SNRNP200: variants seen among roughly 807,000 people sequenced by gnomAD.
SNRNP200 encodes U5 small nuclear ribonucleoprotein 200 kDa helicase.
SNRNP200 carries 66 observed loss-of-function variants against 255.2 expected under a neutral mutation model. The observed-to-expected ratio is 0.26, with a 90% CI of 0.21 to 0.32. The LOEUF is 0.32. SNRNP200 is among the 10% of genes least tolerant of loss of function. The pLI is 1.00. For synonymous variants in SNRNP200, 939 were observed against 1,027.8 expected (o/e 0.91, Z 1.65); for missense variants, 1,585 against 2,749.8 (o/e 0.58, Z 9.47).
At position 96,286,166 on chromosome 2, in the gene SNRNP200, A is replaced by G; in HGVS notation, c.4003+145T>C. 1 of 819,178 alleles carries G rather than the reference A, an allele frequency of 1.2e-6. No individual in the cohort carries two copies. Among genetic ancestry groups the G allele is most frequent in the Non-Finnish European group, 2.1e-6 (1 of 474,778 alleles). 50.7% of individuals were successfully genotyped at this position (819,178 alleles called of 1,614,324 possible). On this transcript the variant is annotated intron_variant, in intron 29 of 44. Transcript: ENST00000323853. This position sits in a 1 kb window ranked among gnomAD's most constrained non-coding sequence, Gnocchi z 4.8. ...CAACCAAAGGCTTCTGACAAAGGAA[A>G]AAGTCCTGGTGGGTCCCAGCGGTCA...
Position 96,276,786 on chromosome 2 carries a change from G to A in SNRNP200, c.6174+118C>T, listed in dbSNP as rs929228562. 8.4e-6 allele frequency: 8 copies of A among 949,208 alleles called. No individual in the cohort carries two copies. In the African/African-American group the frequency reaches 9.6e-5, roughly 11 times the overall value. The allele number at this position is 949,208 out of a possible 1,614,324, so 58.8% of individuals were successfully genotyped here. On this transcript the variant is annotated intron_variant, in intron 43 of 44. Coordinates refer to ENST00000323853, the MANE Select transcript of SNRNP200 (RefSeq NM_014014.5). ...AGCCTCAAGATTAATTCTCACCCTT[G>A]TGAGCTGATTATCAGTCTAAAGTTT...
At chr2:96,303,834 G>GCTCTC (rs2104365868) in intron 2 of SNRNP200, among the ~76,000 whole-genome samples, 1 of 149,294 alleles carries the variant, frequency 6.7e-6, no homozygotes. Context: ...AGGTTGCCGT[G>GCTCTC]AGAGAGATCA....
Position 96,293,108 on chromosome 2 carries a change from C to T in SNRNP200, c.2037-13G>A, listed in dbSNP as rs1266911056. The stretch of plus-strand genomic sequence containing the variant: ...CACTGGACGGAAGCTAGAAGTTCAA[C>T]AGTTAGACAAATGAGGCTTTGGCAG... On this transcript the variant is annotated splice_polypyrimidine_tract_variant and intron_variant, in intron 15 of 44. Coordinates refer to ENST00000323853, the MANE Select transcript of SNRNP200 (RefSeq NM_014014.5). The T allele has an allele frequency of 2.5e-6, 4 of 1,614,168 alleles. No individual in the cohort carries two copies. Among genetic ancestry groups the T allele is most frequent in the Non-Finnish European group, 2.5e-6 (3 of 1,180,028 alleles).
At chr2:96,275,405 A>G in intron 43 of SNRNP200, 56 bp from the exon 44 acceptor site, 1 of 1,435,706 alleles carries the variant, frequency 7.0e-7, no homozygotes, top group Non-Finnish European at 9.8e-7. Flanking sequence ...ACCATAGGCA[A>G]CCATGAAAAT....
chr2:96,288,877 A>G, intron 23 of SNRNP200, 131 bp from the exon 24 acceptor site: 1 of 1,019,630 alleles, frequency 9.8e-7, no homozygotes, highest in South Asian at 1.4e-5. Context: ...ATACTAAATA[A>G]TTGTTATTTC....
At chr2:96,282,979 G>A (rs2063813719) in intron 34 of SNRNP200, 5 of 630,176 alleles carry the variant, frequency 7.9e-6, no homozygotes, top group African/African-American at 3.6e-5. Context: ...ACAACCTGAT[G>A]TGTCTGCCTG....
At chr2:96,294,745 T>C (rs1386560776) in intron 14 of SNRNP200, among the ~76,000 whole-genome samples, 1 of 152,232 alleles carries the variant, frequency 6.6e-6, no homozygotes, top group Non-Finnish European at 1.5e-5. Context: ...TCCTCACTCA[T>C]TCCCTCAGAG....
chr2:96,303,101 G>T, intron 3 of SNRNP200, 58 bp downstream of exon 3: 1 of 1,562,704 alleles, frequency 6.4e-7, no homozygotes, highest in Non-Finnish European at 8.8e-7. Context: ...GATCTTAGAA[G>T]CTGTATGCCA....
At position 96,284,526 on chromosome 2, in the gene SNRNP200, C is replaced by G; in HGVS notation, c.4224G>C (p.Leu1408=). ...TCAGGTCTGTGCTGGTCTCGCCTGT[C>G]AGGAGTACCACCTTCTTGTTGAGCC... is the stretch of plus-strand genomic sequence containing the variant. ...QDRLNKKVVL[L]TGETSTDLKL... The change falls in exon 31 of 45, where the codon CTG becomes CTC. Residue 1408 remains leucine, a synonymous_variant. Transcript: ENST00000323853. The G allele has an allele frequency of 6.2e-7, 1 of 1,614,172 alleles. No individual in the cohort carries two copies. The highest frequency in any genetic ancestry group is 8.5e-7 in the Non-Finnish European group (1 of 1,180,036).
intron 3 of SNRNP200, among the ~76,000 whole-genome samples, chr2:96,302,730 C>T (rs978491435): frequency 6.6e-6 from 1 of 152,182 alleles, no homozygotes; most frequent in African/African-American, 2.4e-5. Context: ...TCCACAATCC[C>T]CTTTTGGGGT....
intron 23 of SNRNP200, 77 bp from the exon 24 acceptor site, chr2:96,288,823 A>G: frequency 9.4e-6 from 12 of 1,275,700 alleles, no homozygotes; most frequent in Non-Finnish European, 1.4e-5. Flanking sequence ...TTCTGCTCTG[A>G]GCATCCAGGC....
chr2:96,280,565 T>TC (rs1684741586), intron 35 of SNRNP200, among the ~76,000 whole-genome samples: 1 of 151,984 alleles, frequency 6.6e-6, no homozygotes, highest in Non-Finnish European at 1.5e-5. Context: ...CTTCTTTTTT[T>TC]TTGAGATGGA....
rs2063893140 is a variant in SNRNP200 at position 96,292,997 on chromosome 2, A to G, written c.2135T>C (p.Ile712Thr). 6.2e-7 allele frequency: 1 copy of G among 1,613,992 alleles called. No homozygotes were observed. The highest frequency in any genetic ancestry group is 1.3e-5 in the African/African-American group (1 of 74,894). Residue 712 changes from isoleucine (I) to threonine (T), a missense_variant, in exon 16 of 45, where the codon ATC becomes ACC. By Grantham distance (89) the Ile-to-Thr change is moderately conservative. Around this residue, in one of 9 missense-constraint regions of SNRNP200, gnomAD observed 140 missense variants for 274.9 expected, o/e 0.51. Transcript: ENST00000323853. ...QIMNEIVYEK[I>T]MEHAGKNQVL... Reference sequence around the variant, plus strand: ...CTGATTTTTTCCAGCATGTTCCATGATTTTTTCATAGACGATTTCATTCAT... The same window carrying G: ...CTGATTTTTTCCAGCATGTTCCATGGTTTTTTCATAGACGATTTCATTCAT...
intron 22 of SNRNP200, 21 bp from the exon 23 acceptor site, chr2:96,289,138 T>A (rs1558767478): frequency 1.2e-6 from 2 of 1,613,840 alleles, no homozygotes; most frequent in African/African-American, 2.7e-5. Flanking sequence ...GAGGAAAAGG[T>A]CAAGGGAAAG....
rs750492291 is a variant in SNRNP200 at position 96,283,803 on chromosome 2, T to A, written c.4584+10A>T. 1.2e-6 allele frequency: 2 copies of A among 1,612,848 alleles called. No homozygotes were observed. The highest frequency in any genetic ancestry group is 2.7e-5 in the African/African-American group (2 of 74,716). ...ACACCCCACAGACGGATGAGGAGAG[T>A]GGGTCCTACCTGGATGTGCAGCTCC... On this transcript the variant is annotated intron_variant, in intron 32 of 44. Transcript: ENST00000323853. This position sits in a 1 kb window ranked among gnomAD's most constrained non-coding sequence, Gnocchi z 4.7.
In SNRNP200 at chr2:96,279,559, G is replaced by A; in HGVS notation, c.5025C>T (p.Ala1675=). Residue 1675 remains alanine, a splice_region_variant and synonymous_variant, in exon 36 of 45, where the codon GCC becomes GCT. Coordinates refer to ENST00000323853, the MANE Select transcript of SNRNP200 (RefSeq NM_014014.5). ...CGTCATAGATGGGGTAATCCACATA[G>A]CTGGTGACAGAAGCAGGGAAAGAAG... ...DTQYYNGKIH[A]YVDYPIYDVL... 6.2e-7 allele frequency: 1 copy of A among 1,605,624 alleles called. No homozygotes were observed.
chr2:96,292,843 T>A, intron 16 of SNRNP200, 129 bp downstream of exon 16: 1 of 1,089,688 alleles, frequency 9.2e-7, no homozygotes, highest in Non-Finnish European at 1.4e-6. Flanking sequence ...AATATCCCAT[T>A]TCATAGCTGA....
At position 96,290,041 on chromosome 2, in the gene SNRNP200, T is replaced by C; in HGVS notation, c.2743-45A>G. ...GTTCTTAGCATGGAGAAACTCTTGA[T>C]GTCCAAATGACAGGCTCCCATGAAT... On this transcript the variant is annotated intron_variant, in intron 20 of 44. Coordinates refer to ENST00000323853, the MANE Select transcript of SNRNP200 (RefSeq NM_014014.5). The surrounding 1 kb of genome is among the most constrained non-coding windows in gnomAD (Gnocchi z 4.5). 1 of 1,573,980 alleles carries C rather than the reference T, an allele frequency of 6.4e-7. No individual in the cohort carries two copies. Among genetic ancestry groups the C allele is most frequent in the South Asian group, 1.1e-5 (1 of 90,256 alleles).
At chr2:96,299,510 T>G in intron 5 of SNRNP200, 83 bp from the exon 6 acceptor site, 1 of 1,134,128 alleles carries the variant, frequency 8.8e-7, no homozygotes, top group Non-Finnish European at 1.3e-6. Flanking sequence ...CACCCTAAAT[T>G]AGCTCAATGG....
Sources: allele counts gnomAD v4.1 joint callset (sites outside exome capture counted in the v4.1 genomes callset), GRCh38; gene constraint gnomAD v4.1.1; regional missense constraint gnomAD v4.1.1; non-coding constraint Gnocchi (gnomAD v3.1); transcripts MANE v1.5; gene names NCBI Gene and HGNC (gene_info 2026-07-23, HGNC 2026-07-21).